Variants in SLC30A7 observed in about 807,000 individuals in gnomAD.
The protein encoded by SLC30A7 is zinc transporter 7.
Under a neutral mutation model 46.0 loss-of-function variants are expected in SLC30A7, and 35 were observed. The observed-to-expected ratio is 0.76, with a 90% CI of 0.58 to 1.01. SLC30A7 has a LOEUF of 1.01. SLC30A7 is among the 50% of genes least tolerant of loss of function. SLC30A7 has a pLI of 0.00. For missense variants in SLC30A7, 464 were observed against 451.1 expected (o/e 1.03, Z -0.26); for synonymous variants, 147 against 157.8 (o/e 0.93, Z 0.51).
At chr1:100,989,014 T>G in the SLC30A7 span, among the ~76,000 whole-genome samples, 1 of 151,926 alleles carries the variant, frequency 6.6e-6, no homozygotes, top group Non-Finnish European at 1.5e-5. Flanking sequence ...ATGAATTTAC[T>G]AAGTAAAGAG....
chr1:100,983,251 T>C (rs970942477), downstream of SLC30A7, among the ~76,000 whole-genome samples: 3 of 151,818 alleles, frequency 2.0e-5, no homozygotes, highest in South Asian at 4.1e-4. Flanking sequence ...ACAGGTTCAA[T>C]AGATATAGAC....
intron 2 of SLC30A7, among the ~76,000 whole-genome samples, chr1:100,902,486 T>G (rs983015841): frequency 2.6e-5 from 4 of 152,194 alleles, no homozygotes; most frequent in African/African-American, 9.7e-5. Context: ...GAGTGTGTGT[T>G]AGTTTGCTAG....
intron 8 of SLC30A7, among the ~76,000 whole-genome samples, chr1:100,944,092 C>T (rs891748479): frequency 6.6e-6 from 1 of 152,138 alleles, no homozygotes; most frequent in East Asian, 1.9e-4. Flanking sequence ...GGCTCTGTCA[C>T]CCAGGCTAGA....
intron 8 of SLC30A7, among the ~76,000 whole-genome samples, chr1:100,924,548 T>C (rs1042302120): frequency 2.6e-5 from 4 of 152,118 alleles, no homozygotes; most frequent in Non-Finnish European, 5.9e-5. Context: ...TAGCACCTTC[T>C]ACTGTAGTAC....
At chr1:100,992,832 A>G in the SLC30A7 span, 6 of 770,374 alleles carry the variant, frequency 7.8e-6, no homozygotes, top group Non-Finnish European at 1.3e-5. Flanking sequence ...ATACTCAAGT[A>G]CCACAGTCTA....
chr1:100,923,509 G>C (rs141332419), intron 8 of SLC30A7, among the ~76,000 whole-genome samples: 67 of 152,328 alleles, frequency 4.4e-4, no homozygotes, highest in African/African-American at 1.6e-3. Context: ...TCAGCACAGT[G>C]CTTTACAACT....
chr1:100,966,036 G>A, intron 10 of SLC30A7, 118 bp downstream of exon 10: 1 of 879,650 alleles, frequency 1.1e-6, no homozygotes, highest in Non-Finnish European at 1.7e-6. Flanking sequence ...TTCTAGATCA[G>A]TGTGGGCAAC....
chr1:100,905,604 C>T (rs1351729267), intron 2 of SLC30A7, among the ~76,000 whole-genome samples: 1 of 151,862 alleles, frequency 6.6e-6, no homozygotes, highest in Non-Finnish European at 1.5e-5. Flanking sequence ...TGTTTGTTTC[C>T]ACTCTCTTTT....
chr1:100,988,255 T>TAA, the SLC30A7 span, among the ~76,000 whole-genome samples: 1 of 152,288 alleles, frequency 6.6e-6, no homozygotes, highest in East Asian at 1.9e-4. Context: ...GATTGCAACT[T>TAA]TCTCTTGAGT....
chr1:100,961,701 T>G, intron 8 of SLC30A7, 127 bp from the exon 9 acceptor site: 1 of 483,692 alleles, frequency 2.1e-6, no homozygotes, highest in Non-Finnish European at 3.7e-6. Context: ...ACTGGTTGAT[T>G]GTTTTTTCTC....
chr1:100,987,661 G>T, the SLC30A7 span, among the ~76,000 whole-genome samples: 3 of 139,444 alleles, frequency 2.2e-5, no homozygotes, highest in African/African-American at 2.7e-5. Context: ...TTTTTCTGTT[G>T]TCTGCTCTTT....
chr1:100,959,522 G>T (rs1300546826), intron 8 of SLC30A7, among the ~76,000 whole-genome samples: 1 of 152,176 alleles, frequency 6.6e-6, no homozygotes, highest in African/African-American at 2.4e-5. Context: ...CACTCAAGTG[G>T]TTACTGACAG....
intron 8 of SLC30A7, 91 bp downstream of exon 8, chr1:100,921,932 T>C (rs1652956562): frequency 2.6e-6 from 3 of 1,167,396 alleles, no homozygotes; most frequent in Non-Finnish European, 2.4e-6. Flanking sequence ...AATAATTATG[T>C]TGGTTTTCCT....
rs1389109306 is a variant in SLC30A7 at position 100,978,925 on chromosome 1, A to G, written c.*4068A>G. ...CTGCTAATTGCCCAAGGCTAAATCC[A>G]ATTTAAGGATTGCTTAGTTTCTTTA... On this transcript the variant is annotated 3_prime_UTR_variant, in exon 11 of 11. Transcript: ENST00000357650. The G allele has an allele frequency of 2.0e-5, 3 of 152,150 alleles. No homozygotes were observed. Among genetic ancestry groups the G allele is most frequent in the Non-Finnish European group, 2.9e-5 (2 of 68,004 alleles). The allele number at this position is 152,150 out of a possible 1,614,324, so 9.4% of individuals were successfully genotyped here. A position where few individuals can be genotyped will look rare whatever the true frequency, so the allele number is the denominator to read the frequency against.
rs117312294 is a variant in SLC30A7 at position 100,928,368 on chromosome 1, T to C, written c.842+6527T>C. On this transcript the variant is annotated intron_variant, in intron 8 of 10. Transcript: ENST00000357650. ...GCTCTAGGGAAGACAGTGCCCTCCA[T>C]TGGTCAGTTTTCAGGTAGAGCATGA... Among the ~76,000 whole-genome samples the C allele has an allele frequency of 5.0e-4, 76 of 152,248 alleles. No homozygotes were observed. In the East Asian group the frequency reaches 0.014, roughly 28 times the overall value.
chr1:100,902,070 A>G (rs1355798077), intron 2 of SLC30A7, among the ~76,000 whole-genome samples: 2 of 152,238 alleles, frequency 1.3e-5, no homozygotes, highest in Non-Finnish European at 2.9e-5. Flanking sequence ...TACATGTGAT[A>G]GGTCAGCAGA....
chr1:100,896,510 C>T, intron 1 of SLC30A7, 60 bp from the exon 2 acceptor site: 1 of 1,502,828 alleles, frequency 6.7e-7, no homozygotes, highest in Non-Finnish European at 9.2e-7. Context: ...GGGTACCCAG[C>T]CTCGGGGTCC....
At chr1:100,913,382 A>G (rs1010263662) in intron 5 of SLC30A7, among the ~76,000 whole-genome samples, 1 of 152,222 alleles carries the variant, frequency 6.6e-6, no homozygotes, top group Non-Finnish European at 1.5e-5. Flanking sequence ...ATGAATGAAT[A>G]TCATTATCTG....
intron 8 of SLC30A7, among the ~76,000 whole-genome samples, chr1:100,932,862 T>A (rs1653737234): frequency 6.6e-6 from 1 of 152,208 alleles, no homozygotes; most frequent in African/African-American, 2.4e-5. Context: ...ATGTCTTACC[T>A]CTGTTTACAG....
Sources: gnomAD v4.1 joint callset for allele counts (sites outside exome capture counted in the v4.1 genomes callset) on GRCh38, gnomAD v4.1.1 for gene constraint, MANE v1.5 for transcripts, NCBI Gene and HGNC (gene_info 2026-07-23, HGNC 2026-07-21) for gene names.